IQSEC1: variants seen among roughly 807,000 people sequenced by gnomAD.
IQSEC1 encodes IQ motif and SEC7 domain-containing protein 1.
Under a neutral mutation model 91.0 loss-of-function variants are expected in IQSEC1, and 31 were observed. That is an observed-to-expected ratio of 0.34 (90% CI 0.26 to 0.46). The LOEUF (loss-of-function observed/expected upper bound fraction) is 0.46, where lower values mean the gene tolerates loss of function less well. Ranked by LOEUF, IQSEC1 falls within the 20% of genes least tolerant of loss-of-function variation. The pLI, the probability that IQSEC1 is intolerant of heterozygous loss-of-function variation, is 1.00. For synonymous variants in IQSEC1, 699 were observed against 662.6 expected (o/e 1.05, Z -0.84); for missense variants, 1,388 against 1,575.6 (o/e 0.88, Z 2.02).
At chr3:13,230,849 C>T (rs1402469411) in intron 1 of IQSEC1, among the ~76,000 whole-genome samples, 1 of 152,202 alleles carries the variant, frequency 6.6e-6, no homozygotes, top group Non-Finnish European at 1.5e-5. Flanking sequence ...TCTGCTGTTA[C>T]CCATTGGTCC....
intron 1 of IQSEC1, among the ~76,000 whole-genome samples, chr3:13,274,096 G>A (rs755742150): frequency 4.6e-5 from 7 of 152,194 alleles, no homozygotes; most frequent in Middle Eastern, 3.2e-3. Context: ...CTCCAGTCCT[G>A]TCTTTGGGTT....
At chr3:13,253,915 C>A (rs1311028778) in intron 1 of IQSEC1, among the ~76,000 whole-genome samples, 1 of 152,144 alleles carries the variant, frequency 6.6e-6, no homozygotes, top group African/African-American at 2.4e-5. Context: ...AGAACACAGG[C>A]CACCGATGGA....
At chr3:13,037,563 C>T (rs1403606062) in intron 1 of IQSEC1, among the ~76,000 whole-genome samples, 1 of 152,158 alleles carries the variant, frequency 6.6e-6, no homozygotes, top group African/African-American at 2.4e-5. Flanking sequence ...TCTGCACACC[C>T]ATGTTCATAG....
At position 13,249,890 on chromosome 3, in the gene IQSEC1, C is replaced by T. The variant is rs548176604; in HGVS notation, c.272+32821G>A. ...TGAAGACCCCCACAGGTTTCCATGG[C>T]AACTTTGCCACTAACCACGCAGATG... is the stretch of plus-strand genomic sequence containing the variant. On this transcript the variant is annotated intron_variant, in intron 1 of 15. Coordinates refer to the IQSEC1 transcript ENST00000648114. 1.8e-3 allele frequency among the ~76,000 whole-genome samples: 277 copies of T among 152,362 alleles called. 2 individuals are homozygous for T. The highest frequency in any genetic ancestry group is 3.4e-3 in the Non-Finnish European group (228 of 68,040).
intron 2 of IQSEC1, among the ~76,000 whole-genome samples, chr3:13,132,428 C>T (rs754866719): frequency 5.3e-5 from 8 of 152,190 alleles, no homozygotes; most frequent in Non-Finnish European, 1.0e-4. Context: ...CTCACGCTCA[C>T]GAGCTGGGCA....
intron 1 of IQSEC1, among the ~76,000 whole-genome samples, chr3:13,040,738 T>A (rs912952389): frequency 2.6e-5 from 4 of 152,206 alleles, no homozygotes; most frequent in Non-Finnish European, 5.9e-5. Flanking sequence ...TTTTCCCATG[T>A]GGTTTCCCCT....
intron 1 of IQSEC1, among the ~76,000 whole-genome samples, chr3:13,222,180 C>T (rs1694673660): frequency 7.9e-6 from 1 of 126,230 alleles, no homozygotes; most frequent in Non-Finnish European, 1.6e-5. Context: ...ATTCCACTTT[C>T]TGTCTCCGTG....
chr3:13,141,948 C>A (rs142799082), intron 2 of IQSEC1, among the ~76,000 whole-genome samples: 4 of 152,146 alleles, frequency 2.6e-5, no homozygotes, highest in Non-Finnish European at 4.4e-5. Context: ...AGGAGATTTT[C>A]GGCAGCAGCA....
chr3:13,198,617 C>G (rs1428934283), intron 1 of IQSEC1, among the ~76,000 whole-genome samples: 7 of 152,194 alleles, frequency 4.6e-5, no homozygotes, highest in Admixed American at 4.6e-4. Flanking sequence ...TGACCTACAG[C>G]CGGGATCATA....
At chr3:13,076,238 C>A (rs1705559228), upstream of IQSEC1, among the ~76,000 whole-genome samples, 1 of 152,152 alleles carries the variant, frequency 6.6e-6, no homozygotes. Flanking sequence ...ACAGTGGGAA[C>A]CTAGCATTCA....
At chr3:12,954,512 C>T (rs1699774535) in intron 1 of IQSEC1, among the ~76,000 whole-genome samples, 1 of 152,192 alleles carries the variant, frequency 6.6e-6, no homozygotes, top group Non-Finnish European at 1.5e-5. Flanking sequence ...GGGTTCCCCT[C>T]AGCAGGAGGG....
chr3:13,249,194 C>T (rs534683972), intron 1 of IQSEC1, among the ~76,000 whole-genome samples: 9 of 109,398 alleles, frequency 8.2e-5, no homozygotes, highest in East Asian at 2.8e-4. Flanking sequence ...TTTTTTGAGA[C>T]GGAGTCTTGC....
intron 1 of IQSEC1, among the ~76,000 whole-genome samples, chr3:12,977,501 G>A (rs1455943320): frequency 6.6e-6 from 1 of 152,208 alleles, no homozygotes; most frequent in East Asian, 1.9e-4. Context: ...AAAATACAGA[G>A]AGAAAGCTGC....
At chr3:13,069,589 G>C (rs1705347521) in intron 1 of IQSEC1, among the ~76,000 whole-genome samples, 1 of 152,194 alleles carries the variant, frequency 6.6e-6, no homozygotes, top group Non-Finnish European at 1.5e-5. Flanking sequence ...GGAAGAGAGG[G>C]GTCGGGACAG....
intron 1 of IQSEC1, among the ~76,000 whole-genome samples, chr3:12,989,421 G>T (rs1701889460): frequency 6.6e-6 from 1 of 152,218 alleles, no homozygotes; most frequent in Non-Finnish European, 1.5e-5. Context: ...CACTTTCACA[G>T]AATTATCTTC....
chr3:12,911,431 A>T (rs373889601), intron 10 of IQSEC1, among the ~76,000 whole-genome samples, 198 bp downstream of exon 10: 1 of 152,230 alleles, frequency 6.6e-6, no homozygotes, highest in Non-Finnish European at 1.5e-5. Flanking sequence ...GTGTTATTAC[A>T]TGAGGCTCAG....
intron 1 of IQSEC1, among the ~76,000 whole-genome samples, chr3:13,168,916 T>C (rs1052818784): frequency 6.6e-6 from 1 of 152,218 alleles, no homozygotes; most frequent in Non-Finnish European, 1.5e-5. Context: ...TCTGAAATTG[T>C]CTTATTTGTC....
chr3:12,957,721 C>T (rs966044491), intron 1 of IQSEC1, among the ~76,000 whole-genome samples: 50 of 152,322 alleles, frequency 3.3e-4, no homozygotes, highest in African/African-American at 1.2e-3. Flanking sequence ...GCCATCTTGG[C>T]CCAGACAATC....
At chr3:12,946,751 A>G (rs555188199) in intron 1 of IQSEC1, among the ~76,000 whole-genome samples, 39 of 152,318 alleles carry the variant, frequency 2.6e-4, no homozygotes, top group Non-Finnish European at 4.4e-4. Context: ...CCGAGAAGCC[A>G]GTCACCAACA....
Sources: allele counts gnomAD v4.1 joint callset (sites outside exome capture counted in the v4.1 genomes callset), GRCh38; gene constraint gnomAD v4.1.1; transcripts MANE v1.5; gene names NCBI Gene and HGNC (gene_info 2026-07-23, HGNC 2026-07-21).